INKA2: variants seen among roughly 807,000 people sequenced by gnomAD.
INKA2 encodes the protein PAK4-inhibitor INKA2.
INKA2 carries 3 observed loss-of-function variants against 9.8 expected under a neutral mutation model. The ratio of observed to expected loss-of-function variants is 0.31; its 90% CI spans 0.14 to 0.79. The LOEUF (loss-of-function observed/expected upper bound fraction) is 0.79, where lower values mean the gene tolerates loss of function less well. Among genes scored for constraint, INKA2 ranks in the 30% least tolerant of loss-of-function variants. The pLI is 0.62. For synonymous variants in INKA2, 147 were observed against 143.3 expected, an observed-to-expected ratio of 1.03 and a Z score of -0.18; for missense variants, 392 against 384.4, an observed-to-expected ratio of 1.02 and a Z score of -0.17.
chr1:111,746,399 C>T (rs1663274833), intron 1 of INKA2: 1 of 152,248 alleles, frequency 6.6e-6, no homozygotes, highest in Non-Finnish European at 1.5e-5. Context: ...ACTGCCTTCT[C>T]TCCTAGCATT....
At chr1:111,739,420 C>G (rs1455136930), upstream of INKA2, 11 of 1,463,194 alleles carry the variant, frequency 7.5e-6, no homozygotes, top group Non-Finnish European at 9.9e-6. Flanking sequence ...TAGCCGCGCG[C>G]GGTCGGTGCT....
chr1:111,735,393 G>C (rs116510132), intron 1 of INKA2, among the ~76,000 whole-genome samples: 1 of 152,196 alleles, frequency 6.6e-6, no homozygotes, highest in Non-Finnish European at 1.5e-5. Context: ...AATAGTTGGC[G>C]AGGCACTTAA....
At chr1:111,741,292 A>T (rs1663146101), upstream of INKA2, among the ~76,000 whole-genome samples, 1 of 152,174 alleles carries the variant, frequency 6.6e-6, no homozygotes, top group Admixed American at 6.5e-5. Context: ...GGATAGAGAA[A>T]AGAAAAAAGA....
chr1:111,739,478 G>T (rs1339824149), upstream of INKA2: 2 of 1,371,906 alleles, frequency 1.5e-6, no homozygotes, highest in Non-Finnish European at 1.9e-6. Context: ...CAGGGGGGCT[G>T]TCTTCAGCCA....
intron 1 of INKA2, among the ~76,000 whole-genome samples, chr1:111,730,198 G>A (rs1457870976): frequency 1.3e-5 from 2 of 152,184 alleles, no homozygotes; most frequent in Non-Finnish European, 2.9e-5. Context: ...ACCTGGAGCA[G>A]AGTCAGAGGA....
In INKA2 at chr1:111,724,756, T is replaced by C. The variant is rs767495817; in HGVS notation, c.*2212A>G. The C allele has an allele frequency of 3.9e-5, 6 of 152,304 alleles. No individual in the cohort carries two copies. Among genetic ancestry groups the C allele is most frequent in the Non-Finnish European group, 7.3e-5 (5 of 68,058 alleles). 9.4% of individuals were successfully genotyped at this position (152,304 alleles called of 1,614,324 possible). Reference sequence around the variant, plus strand: ...GCTCCACCAGAGTGGGCTTGCTCAGTTGGCAAACTCCAGGTAGAGAAATAG... The same window carrying C: ...GCTCCACCAGAGTGGGCTTGCTCAGCTGGCAAACTCCAGGTAGAGAAATAG... On this transcript the variant is annotated 3_prime_UTR_variant, in exon 2 of 2. Transcript: ENST00000357260.
intron 1 of INKA2, among the ~76,000 whole-genome samples, chr1:111,750,460 A>G (rs1409328125): frequency 1.3e-5 from 2 of 152,266 alleles, no homozygotes; most frequent in African/African-American, 4.8e-5. Context: ...ATAAGTTTAT[A>G]GATGGTGCCA....
Position 111,722,931 on chromosome 1 carries a change from G to T in INKA2, c.*4037C>A, listed in dbSNP as rs1179202742. ...TCCAGGCAGTGCTTGGACCGTAGGT[G>T]CATTATGTCCTTTAAATCTCACAGC... On this transcript the variant is annotated 3_prime_UTR_variant, in exon 2 of 2. Transcript: ENST00000357260. 16 of 615,880 alleles carry T rather than the reference G, an allele frequency of 2.6e-5. No individual in the cohort carries two copies. The highest frequency in any genetic ancestry group is 4.1e-5 in the Non-Finnish European group (14 of 342,966). The allele number at this position is 615,880 out of a possible 1,614,324, so 38.2% of individuals were successfully genotyped here.
Position 111,748,851 on chromosome 1 carries a change from C to T in INKA2, n.124+6850G>A, listed in dbSNP as rs534358039. On this transcript the variant is annotated intron_variant and non_coding_transcript_variant, in intron 1 of 1. Transcript: ENST00000444059. ...AGACAGTGACAATTACTTCTTCTTT[C>T]CTGGCTATTGCCTCCCCCTTCCCTT... Among the ~76,000 whole-genome samples the T allele has an allele frequency of 2.6e-5, 4 of 152,330 alleles. No homozygotes were observed. In the South Asian group the frequency reaches 8.3e-4, roughly 32 times the overall value.
exon 1 of INKA2, chr1:111,755,703 G>A: frequency 6.2e-7 from 1 of 1,613,888 alleles, no homozygotes; most frequent in South Asian, 1.1e-5. Context: ...CGACTCACCA[G>A]TTGCCTCATC....
Position 111,727,120 on chromosome 1 carries a change from C to T in INKA2, c.742G>A (p.Val248Ile). The T allele has an allele frequency of 6.2e-7, 1 of 1,614,250 alleles. No individual in the cohort carries two copies. The highest frequency in any genetic ancestry group is 8.5e-7 in the Non-Finnish European group (1 of 1,180,050). The change falls in exon 2 of 2, where the codon GTC (valine) becomes ATC (isoleucine). Residue 248 changes from valine (V) to isoleucine (I), a missense_variant. By Grantham distance (29) the Val-to-Ile change is conservative. Transcript: ENST00000357260. ...CCCTTGGAAAGGCTCCGCTTCTTGA[C>T]CTTCTGTGAGCGGCCGGTTCGGGAC... ...PESRTGRSQK[V>I]KKRSLSKGSG...
In INKA2 at chr1:111,727,397, C is replaced by G; in HGVS notation, c.465G>C (p.Leu155=). The G allele has an allele frequency of 6.2e-7, 1 of 1,614,024 alleles. No homozygotes were observed. The highest frequency in any genetic ancestry group is 1.1e-5 in the South Asian group (1 of 91,048). Residue 155 remains leucine (L), a synonymous_variant, in exon 2 of 2, where the codon CTG becomes CTC. Transcript: ENST00000357260. Reference sequence around the variant, plus strand: ...CTGCAAAAACGTTGTCCCCTAACACCAGAGGCTGTCGATTCCGGCCCCGGG... The same window carrying G: ...CTGCAAAAACGTTGTCCCCTAACACGAGAGGCTGTCGATTCCGGCCCCGGG... ...LMSRGRNRQP[L]VLGDNVFADL...
intron 1 of INKA2, chr1:111,745,282 TATATATATATA>T (rs1446338937): frequency 1.7e-4 from 8 of 47,506 alleles, no homozygotes; most frequent in African/African-American, 5.0e-4. Flanking sequence ...TATATATATA[TATATATATATA>T]TTTTTTTTTT....
chr1:111,728,515 G>A (rs1662840826), intron 1 of INKA2, among the ~76,000 whole-genome samples: 1 of 152,114 alleles, frequency 6.6e-6, no homozygotes, highest in Non-Finnish European at 1.5e-5. Flanking sequence ...AATACAGGTT[G>A]AGCATCCCTA....
chr1:111,748,265 T>G (rs1278905816), intron 1 of INKA2, among the ~76,000 whole-genome samples: 5 of 152,230 alleles, frequency 3.3e-5, no homozygotes, highest in Admixed American at 2.0e-4. Flanking sequence ...TTCTGCCATC[T>G]GGCATAATGT....
At chr1:111,728,070 C>CACAGACACACACACACACACAT (rs1553231320) in intron 1 of INKA2, among the ~76,000 whole-genome samples, 7 of 148,164 alleles carry the variant, frequency 4.7e-5, no homozygotes, top group Non-Finnish European at 7.4e-5. Flanking sequence ...CACACACACA[C>CACAGACACACACACACACACAT]ACAGACATTT....
chr1:111,731,685 T>C (rs558830831), intron 1 of INKA2, among the ~76,000 whole-genome samples: 1 of 152,312 alleles, frequency 6.6e-6, no homozygotes, highest in African/African-American at 2.4e-5. Context: ...GGAATAACAG[T>C]TCCTGCCTCA....
At chr1:111,739,967 G>A (rs906833589), upstream of INKA2, 2 of 151,084 alleles carry the variant, frequency 1.3e-5, no homozygotes, top group African/African-American at 5.0e-5. Flanking sequence ...AAGCCGCCGA[G>A]GGTCGGCTGC....
At chr1:111,739,513 G>C, upstream of INKA2, 1 of 1,149,806 alleles carries the variant, frequency 8.7e-7, no homozygotes, top group Non-Finnish European at 1.2e-6. Context: ...CGGGAGGCCG[G>C]GCTGGGCGGC....
Sources: gnomAD v4.1 joint callset for allele counts (sites outside exome capture counted in the v4.1 genomes callset) on GRCh38, gnomAD v4.1.1 for gene constraint, MANE v1.5 for transcripts, NCBI Gene and HGNC (gene_info 2026-07-23, HGNC 2026-07-21) for gene names.